CEP170: variants seen among roughly 807,000 people sequenced by gnomAD.
The protein encoded by CEP170 is centrosomal protein of 170 kDa.
CEP170 carries 21 observed loss-of-function variants against 151.9 expected under a neutral mutation model. That is an observed-to-expected ratio of 0.14 (90% CI 0.10 to 0.20). CEP170 has a LOEUF of 0.20. Ranked by LOEUF, CEP170 falls within the 10% of genes least tolerant of loss-of-function variation. CEP170 has a pLI of 1.00. For missense variants in CEP170, 964 were observed against 1,892.9 expected (o/e 0.51, Z 9.11); for synonymous variants, 356 against 648.8 (o/e 0.55, Z 6.86).
chr1:243,130,258 C>T (rs370168741), intron 17 of CEP170, among the ~76,000 whole-genome samples: 2 of 152,042 alleles, frequency 1.3e-5, no homozygotes, highest in Non-Finnish European at 2.9e-5. Flanking sequence ...AGCACCTTAT[C>T]GATCAAGAAA....
chr1:243,149,512 T>C (rs1041768163), intron 14 of CEP170, among the ~76,000 whole-genome samples: 6 of 152,174 alleles, frequency 3.9e-5, no homozygotes. Flanking sequence ...TCTTGCTGTT[T>C]GGATCTGACC....
intron 1 of CEP170, among the ~76,000 whole-genome samples, chr1:243,226,444 C>T (rs756024166): frequency 6.6e-6 from 1 of 151,646 alleles, no homozygotes; most frequent in Non-Finnish European, 1.5e-5. Flanking sequence ...AAAAATAAAA[C>T]TGGTATCAGC....
At chr1:243,245,102 T>G (rs544568063) in intron 1 of CEP170, among the ~76,000 whole-genome samples, 1 of 152,182 alleles carries the variant, frequency 6.6e-6, no homozygotes, top group Non-Finnish European at 1.5e-5. Context: ...ATGGTGATCC[T>G]AGAATCTGCT....
chr1:243,235,080 G>C (rs956845528), intron 1 of CEP170, among the ~76,000 whole-genome samples: 1 of 152,090 alleles, frequency 6.6e-6, no homozygotes, highest in Non-Finnish European at 1.5e-5. Context: ...TCATTCACAA[G>C]TAGTAAGCAC....
At chr1:243,246,716 G>T (rs1482861744) in intron 1 of CEP170, among the ~76,000 whole-genome samples, 1 of 152,072 alleles carries the variant, frequency 6.6e-6, no homozygotes, top group Admixed American at 6.5e-5. Context: ...TGGCTAGTGG[G>T]ATTATGATAG....
At chr1:243,250,549 G>A (rs1476189810) in intron 1 of CEP170, among the ~76,000 whole-genome samples, 2 of 152,110 alleles carry the variant, frequency 1.3e-5, no homozygotes, top group Admixed American at 1.3e-4. Context: ...ATCAACATAA[G>A]GCTGCCAACT....
rs775048056 is a variant in CEP170, at chr1:243,169,744, G to C, written c.1727C>G (p.Ser576Cys). 33 of 1,612,662 alleles carry C rather than the reference G, an allele frequency of 2.0e-5. No individual in the cohort carries two copies. The highest frequency in any genetic ancestry group is 2.7e-5 in the Non-Finnish European group (32 of 1,179,510). ...AACCCAACGTTTGCTTCCAGATGAA[G>C]ATGTGCCTTCCTAAAGGAGAAAAAT... ...SGFHHSEEGT[S>C]SSGSKRWVSQ... The change falls in exon 12 of 20, where the codon TCT becomes TGT. Residue 576 changes from serine (S) to cysteine (C), a missense_variant. Coordinates refer to ENST00000366542, the MANE Select transcript of CEP170 (RefSeq NM_014812.3).
intron 7 of CEP170, among the ~76,000 whole-genome samples, chr1:243,193,285 A>G (rs1572175164): frequency 6.6e-6 from 1 of 151,996 alleles, no homozygotes; most frequent in African/African-American, 2.4e-5. Flanking sequence ...TTTTTTTACT[A>G]TGCACAATGT....
chr1:243,155,979 A>AG (rs893480176), intron 14 of CEP170, among the ~76,000 whole-genome samples: 15 of 151,968 alleles, frequency 9.9e-5, no homozygotes, highest in African/African-American at 1.2e-4. Context: ...TTAAAAAGGG[A>AG]GGGGGGGAGA....
intron 16 of CEP170, among the ~76,000 whole-genome samples, chr1:243,137,638 G>C (rs2055265991): frequency 6.6e-6 from 1 of 152,110 alleles, no homozygotes; most frequent in Non-Finnish European, 1.5e-5. Flanking sequence ...AGCGGGGCGT[G>C]CTGGTGCGTG....
intron 10 of CEP170, among the ~76,000 whole-genome samples, chr1:243,183,834 T>G (rs2059777947): frequency 6.6e-6 from 1 of 152,202 alleles, no homozygotes; most frequent in South Asian, 2.1e-4. Flanking sequence ...TATAATTTGC[T>G]GTCAAAATGG....
At chr1:243,152,954 A>G (rs565086653) in intron 14 of CEP170, among the ~76,000 whole-genome samples, 1 of 152,360 alleles carries the variant, frequency 6.6e-6, no homozygotes, top group South Asian at 2.1e-4. Flanking sequence ...AATCTTTTGG[A>G]AAGGATTCAC....
At chr1:243,196,578 T>C (rs1360233825) in intron 7 of CEP170, among the ~76,000 whole-genome samples, 1 of 152,154 alleles carries the variant, frequency 6.6e-6, no homozygotes, top group East Asian at 1.9e-4. Flanking sequence ...CTGTTTTGTG[T>C]GTGACAGGGG....
intron 7 of CEP170, among the ~76,000 whole-genome samples, chr1:243,198,827 T>A (rs1158831022): frequency 6.6e-6 from 1 of 151,532 alleles, no homozygotes; most frequent in South Asian, 2.1e-4. Context: ...CTGTAAAAAA[T>A]ATTTTAAATA....
chr1:243,149,471 G>A (rs917520884), intron 14 of CEP170, among the ~76,000 whole-genome samples: 6 of 152,060 alleles, frequency 3.9e-5, no homozygotes. Context: ...ACTGTCATCT[G>A]AACCTGTGGG....
chr1:243,128,231 A>T lies in CEP170; in HGVS notation c.4465+18T>A. 6.4e-7 allele frequency: 1 copy of T among 1,573,384 alleles called. No individual in the cohort carries two copies. The highest frequency in any genetic ancestry group is 8.6e-7 in the Non-Finnish European group (1 of 1,164,856). ...CTAAATTATTAGCTCTTTATACTTA[A>T]TTCAGTAGTAAATTTACCTTGCAGC... On this transcript the variant is annotated intron_variant, in intron 19 of 19. Coordinates refer to ENST00000366542, the MANE Select transcript of CEP170 (RefSeq NM_014812.3).
At position 243,165,414 on chromosome 1, in the gene CEP170, G is replaced by A; in HGVS notation, c.2546C>T (p.Pro849Leu). The A allele has an allele frequency of 6.4e-7, 1 of 1,567,728 alleles. No individual in the cohort carries two copies. Among genetic ancestry groups the A allele is most frequent in the South Asian group, 1.1e-5 (1 of 87,640 alleles). ...FTIEKPSPNI[P>L]IELIPHINKQ... ...ATTTATATGGGGAATAAGTTCTATG[G>A]GTATGTTTGGGCTGGGTTTTTCTAT... is the stretch of plus-strand genomic sequence containing the variant. The change falls in exon 13 of 20, where the codon CCC (proline) becomes CTC (leucine). Residue 849 changes from proline (P) to leucine (L), a missense_variant. Pro to Leu is a moderately conservative substitution (Grantham distance 98). Transcript: ENST00000366542.
chr1:243,211,058 C>G (rs2061758453), intron 4 of CEP170, among the ~76,000 whole-genome samples: 1 of 150,498 alleles, frequency 6.6e-6, no homozygotes, highest in Non-Finnish European at 1.5e-5. Flanking sequence ...TTAATACATT[C>G]TTTATTACCA....
At chr1:243,222,451 A>G (rs1376499375) in intron 2 of CEP170, among the ~76,000 whole-genome samples, 1 of 152,200 alleles carries the variant, frequency 6.6e-6, no homozygotes, top group African/African-American at 2.4e-5. Flanking sequence ...GTCTCTCTCC[A>G]GAGCTTAGTA....
Sources: allele counts gnomAD v4.1 joint callset (sites outside exome capture counted in the v4.1 genomes callset), GRCh38; gene constraint gnomAD v4.1.1; transcripts MANE v1.5; gene names NCBI Gene and HGNC (gene_info 2026-07-23, HGNC 2026-07-21).